NRXN1: variants seen among roughly 807,000 people sequenced by gnomAD.
The protein encoded by NRXN1 is neurexin 1, also known as neurexin-1.
NRXN1 carries 39 observed loss-of-function variants against 150.9 expected under a neutral mutation model. The ratio of observed to expected loss-of-function variants is 0.26; its 90% CI spans 0.20 to 0.34. The LOEUF (loss-of-function observed/expected upper bound fraction) is 0.34, where lower values mean the gene tolerates loss of function less well. NRXN1 is among the 10% of genes least tolerant of loss of function. The probability of loss-of-function intolerance (pLI) is 1.00; values close to 1 mark genes in which losing one functional copy is unlikely to be tolerated. For missense variants in NRXN1, 1,815 were observed against 1,949.9 expected (o/e 0.93, Z 1.30); for synonymous variants, 924 against 757.0 (o/e 1.22, Z -3.62).
At chr2:50,435,923 G>A (rs1427661385) in intron 17 of NRXN1, among the ~76,000 whole-genome samples, 1 of 151,776 alleles carries the variant, frequency 6.6e-6, no homozygotes, top group Non-Finnish European at 1.5e-5. Context: ...TACCTATATA[G>A]GTAACCTCCA....
At chr2:50,018,570 C>T (rs1336680528) in intron 21 of NRXN1, among the ~76,000 whole-genome samples, 1 of 152,170 alleles carries the variant, frequency 6.6e-6, no homozygotes, top group Non-Finnish European at 1.5e-5. Context: ...CTCTCTCCCA[C>T]GTTATTACAT....
At chr2:50,786,824 C>T (rs927463614) in intron 5 of NRXN1, among the ~76,000 whole-genome samples, 14 of 152,120 alleles carry the variant, frequency 9.2e-5, no homozygotes, top group African/African-American at 3.4e-4. Flanking sequence ...CCAACCTTCC[C>T]TCAAATTAGC....
chr2:50,574,117 C>T (rs193151132), intron 8 of NRXN1, among the ~76,000 whole-genome samples: 129 of 152,128 alleles, frequency 8.5e-4, no homozygotes, highest in African/African-American at 3.0e-3. Flanking sequence ...TTTGTGCTTA[C>T]CCTAAAAAGT....
chr2:50,689,381 A>G (rs1279783502), intron 5 of NRXN1, among the ~76,000 whole-genome samples: 1 of 152,172 alleles, frequency 6.6e-6, no homozygotes, highest in Non-Finnish European at 1.5e-5. Context: ...AAAGATTTCA[A>G]TTATCACCAC....
intron 12 of NRXN1, among the ~76,000 whole-genome samples, chr2:50,511,776 T>A (rs1469709091): frequency 3.3e-5 from 5 of 152,060 alleles, no homozygotes; most frequent in Admixed American, 6.6e-5. Flanking sequence ...TGTGTGTGTG[T>A]GAGAGGGATA....
rs1031192493 is a variant in NRXN1 at position 50,241,634 on chromosome 2, C to T, written c.3365-4664G>A. ...CTGGCTCTATCAGACACAAATTTAG[C>T]AATGTCAACATACTTTACACTCCAA... is the stretch of plus-strand genomic sequence containing the variant. On this transcript the variant is annotated intron_variant, in intron 17 of 22. Transcript: ENST00000401669. Among the ~76,000 whole-genome samples, 12 of 151,886 alleles carry T rather than the reference C, an allele frequency of 7.9e-5. No individual in the cohort carries two copies. The South Asian group carries it at 2.3e-3, about 29-fold the overall frequency.
intron 5 of NRXN1, among the ~76,000 whole-genome samples, chr2:50,634,943 G>T (rs535607897): frequency 6.6e-6 from 1 of 152,052 alleles, no homozygotes; most frequent in East Asian, 1.9e-4. Flanking sequence ...AACAACATGA[G>T]AGAAATTCAT....
At chr2:50,839,910 T>C (rs939066010) in intron 5 of NRXN1, among the ~76,000 whole-genome samples, 7 of 152,150 alleles carry the variant, frequency 4.6e-5, no homozygotes, top group Admixed American at 2.0e-4. Flanking sequence ...GGGAAGGTTG[T>C]AGAATTTCAA....
chr2:50,916,979 T>A (rs535317168), intron 5 of NRXN1: 1 of 151,658 alleles, frequency 6.6e-6, no homozygotes, highest in Non-Finnish European at 1.5e-5. Flanking sequence ...TAAACAAACA[T>A]TGAATTCTAA....
chr2:50,994,506 G>C (rs951365811), intron 2 of NRXN1, among the ~76,000 whole-genome samples: 19 of 152,090 alleles, frequency 1.2e-4, no homozygotes, highest in Admixed American at 1.0e-3. Context: ...AGGCAGAACA[G>C]AATGTACATG....
chr2:49,976,331 G>A (rs949421763), intron 21 of NRXN1, among the ~76,000 whole-genome samples: 2 of 151,816 alleles, frequency 1.3e-5, no homozygotes, highest in Non-Finnish European at 2.9e-5. Context: ...CACCCTGCCC[G>A]ACCTACAGGA....
At chr2:50,733,291 A>T (rs1698323702) in intron 5 of NRXN1, among the ~76,000 whole-genome samples, 1 of 152,188 alleles carries the variant, frequency 6.6e-6, no homozygotes, top group Non-Finnish European at 1.5e-5. Flanking sequence ...GATGAATAGA[A>T]ACCAACCCAA....
intron 12 of NRXN1, among the ~76,000 whole-genome samples, chr2:50,522,267 G>C (rs2092809390): frequency 6.6e-6 from 1 of 152,134 alleles, no homozygotes. Flanking sequence ...ATCAAGTTTA[G>C]AATGTTTCTT....
intron 2 of NRXN1, among the ~76,000 whole-genome samples, chr2:50,933,811 G>T (rs1325297629): frequency 6.6e-6 from 1 of 152,008 alleles, no homozygotes; most frequent in Non-Finnish European, 1.5e-5. Context: ...AAAACATGCT[G>T]AACAGAAAGA....
chr2:50,776,891 T>A (rs1274961428), intron 5 of NRXN1, among the ~76,000 whole-genome samples: 2 of 152,090 alleles, frequency 1.3e-5, no homozygotes, highest in African/African-American at 4.8e-5. Context: ...TGCCCACCGA[T>A]CCTAGTCCCA....
chr2:50,371,045 T>C (rs564595246), intron 17 of NRXN1, among the ~76,000 whole-genome samples: 1 of 152,108 alleles, frequency 6.6e-6, no homozygotes, highest in Admixed American at 6.6e-5. Flanking sequence ...AACATGCACA[T>C]GCATGATTGT....
At chr2:50,934,829 G>T (rs1688282357) in intron 2 of NRXN1, among the ~76,000 whole-genome samples, 1 of 152,016 alleles carries the variant, frequency 6.6e-6, no homozygotes. Context: ...ATAACAATTA[G>T]GAAATAAACC....
At chr2:50,400,054 G>A (rs963284905) in intron 17 of NRXN1, among the ~76,000 whole-genome samples, 4 of 151,886 alleles carry the variant, frequency 2.6e-5, no homozygotes, top group Non-Finnish European at 1.5e-5. Context: ...CAGAGCTTGT[G>A]GCATAATGCA....
chr2:50,332,363 C>T (rs1479290326), intron 17 of NRXN1, among the ~76,000 whole-genome samples: 1 of 152,200 alleles, frequency 6.6e-6, no homozygotes, highest in East Asian at 1.9e-4. Flanking sequence ...ACCACACTTT[C>T]TGTCCTCAGG....
Sources: gnomAD v4.1 joint callset for allele counts (sites outside exome capture counted in the v4.1 genomes callset) on GRCh38, gnomAD v4.1.1 for gene constraint, MANE v1.5 for transcripts, NCBI Gene and HGNC (gene_info 2026-07-23, HGNC 2026-07-21) for gene names.